GUCY1A1: variants seen among roughly 807,000 people sequenced by gnomAD.
GUCY1A1 encodes guanylate cyclase 1 soluble subunit alpha 1.
In GUCY1A1, 48 loss-of-function variants were observed where a neutral mutation model predicts 64.5. That is an observed-to-expected ratio of 0.74 (90% CI 0.59 to 0.95). The LOEUF is 0.95. Ranked by LOEUF, GUCY1A1 falls within the 40% of genes least tolerant of loss-of-function variation. The pLI, the probability that GUCY1A1 is intolerant of heterozygous loss-of-function variation, is 0.00. For missense variants in GUCY1A1, 804 were observed against 825.3 expected (o/e 0.97, Z 0.32); for synonymous variants, 308 against 303.4 (o/e 1.02, Z -0.16).
chr4:155,693,216 A>G (rs1729987507), intron 2 of GUCY1A1, among the ~76,000 whole-genome samples: 1 of 152,192 alleles, frequency 6.6e-6, no homozygotes, highest in African/African-American at 2.4e-5. Flanking sequence ...ATCACTCACT[A>G]GTAAAAAGAG....
intron 2 of GUCY1A1, among the ~76,000 whole-genome samples, chr4:155,690,520 G>T (rs1330075981): frequency 6.6e-6 from 1 of 152,058 alleles, no homozygotes; most frequent in Non-Finnish European, 1.5e-5. Context: ...TGTTTAATGC[G>T]GTTTGTAGAA....
In GUCY1A1 at chr4:155,696,847, A is replaced by G. The variant is rs1730473499; in HGVS notation, c.-21A>G. On this transcript the variant is annotated 5_prime_UTR_variant, in exon 3 of 10. Coordinates refer to ENST00000506455, the MANE Select transcript of GUCY1A1 (RefSeq NM_001130682.3). ...CAGCTCATCAGGAGGAGATCGCAGCAGGGTAAGAGACACCAACACCATGTT... is the reference window on the plus strand; with the variant it reads ...CAGCTCATCAGGAGGAGATCGCAGCGGGGTAAGAGACACCAACACCATGTT... 1.2e-6 allele frequency: 2 copies of G among 1,610,236 alleles called. No homozygotes were observed. The highest frequency in any genetic ancestry group is 1.3e-5 in the African/African-American group (1 of 74,776).
intron 2 of GUCY1A1, among the ~76,000 whole-genome samples, chr4:155,696,314 T>C (rs191000604): frequency 6.6e-6 from 1 of 152,332 alleles, no homozygotes; most frequent in Non-Finnish European, 1.5e-5. Flanking sequence ...TAGGTATTTT[T>C]GGAAGCCATT....
chr4:155,722,001 C>A, intron 8 of GUCY1A1, 37 bp from the exon 9 acceptor site: 1 of 1,381,402 alleles, frequency 7.2e-7, no homozygotes, highest in South Asian at 1.2e-5. Flanking sequence ...AGTGTTTTAC[C>A]AGTGACTGGG....
intron 2 of GUCY1A1, among the ~76,000 whole-genome samples, chr4:155,691,324 T>C (rs555257693): frequency 7.9e-5 from 12 of 152,338 alleles, no homozygotes; most frequent in African/African-American, 2.9e-4. Flanking sequence ...CACCAATTTT[T>C]CTACTACTTT....
chr4:155,702,482 G>C (rs148969812), intron 3 of GUCY1A1, among the ~76,000 whole-genome samples: 26 of 152,180 alleles, frequency 1.7e-4, no homozygotes, highest in African/African-American at 6.0e-4. Context: ...AGATGTCTAG[G>C]AAATATGCCC....
intron 3 of GUCY1A1, among the ~76,000 whole-genome samples, chr4:155,701,883 T>C (rs1363638108): frequency 6.6e-6 from 1 of 152,102 alleles, no homozygotes; most frequent in Non-Finnish European, 1.5e-5. Flanking sequence ...TAGTTTACAT[T>C]GGAAACAACC....
chr4:155,733,485 G>A lies in GUCY1A1; in HGVS notation c.*3254G>A, dbSNP rs1339988806. Among the ~76,000 whole-genome samples the A allele has an allele frequency of 6.6e-6, 1 of 151,580 alleles. No individual in the cohort carries two copies. Among genetic ancestry groups the A allele is most frequent in the African/African-American group, 2.4e-5 (1 of 41,286 alleles). On this transcript the variant is annotated 3_prime_UTR_variant, in exon 10 of 10. Coordinates refer to ENST00000506455, the MANE Select transcript of GUCY1A1 (RefSeq NM_001130682.3). Reference sequence around the variant, plus strand: ...GAAGGGGTATGTGTGTCATGTAAAGGTGTGCCATGATAGTTATTCATATTG... The same window carrying A: ...GAAGGGGTATGTGTGTCATGTAAAGATGTGCCATGATAGTTATTCATATTG...
At chr4:155,699,226 C>T (rs1263393383) in intron 3 of GUCY1A1, among the ~76,000 whole-genome samples, 2 of 152,032 alleles carry the variant, frequency 1.3e-5, no homozygotes, top group African/African-American at 4.8e-5. Flanking sequence ...CCAATTGGCT[C>T]AGCTAGAGAT....
chr4:155,702,289 A>G (rs1017961749), intron 3 of GUCY1A1, among the ~76,000 whole-genome samples: 11 of 152,296 alleles, frequency 7.2e-5, no homozygotes, highest in African/African-American at 2.6e-4. Context: ...GGAACAAATA[A>G]TTCATAGCCA....
chr4:155,711,689 T>G (rs1732593641), intron 6 of GUCY1A1, among the ~76,000 whole-genome samples: 4 of 152,214 alleles, frequency 2.6e-5, no homozygotes, highest in Admixed American at 2.6e-4. Flanking sequence ...TTTGATTAAT[T>G]GTTACCGAAT....
chr4:155,729,400 T>C (rs1404852797), intron 9 of GUCY1A1, among the ~76,000 whole-genome samples: 2 of 151,776 alleles, frequency 1.3e-5, no homozygotes, highest in Admixed American at 6.6e-5. Flanking sequence ...GCAAACAATA[T>C]AATGTGGTAA....
chr4:155,678,676 C>T (rs999603215), intron 2 of GUCY1A1, among the ~76,000 whole-genome samples: 4 of 152,178 alleles, frequency 2.6e-5, no homozygotes, highest in African/African-American at 7.2e-5. Flanking sequence ...CTATGGTAAC[C>T]TTTCTGCCCA....
chr4:155,706,263 C>T (rs1163095387), intron 4 of GUCY1A1, among the ~76,000 whole-genome samples: 2 of 152,146 alleles, frequency 1.3e-5, no homozygotes, highest in African/African-American at 2.4e-5. Flanking sequence ...GATTTTTGCT[C>T]ATAAGCCTGC....
rs1735681486 is a variant in GUCY1A1, at chr4:155,732,670, G to GA, written c.*2444dup. ...TCAGAGCTTTGAGGTATTGAAGATGGAAAAATAGTGGACAAACAGCCTGTA... is the reference window on the plus strand; with the variant it reads ...TCAGAGCTTTGAGGTATTGAAGATGGAAAAAATAGTGGACAAACAGCCTGTA... On this transcript the variant is annotated 3_prime_UTR_variant, in exon 10 of 10. Coordinates refer to ENST00000506455, the MANE Select transcript of GUCY1A1 (RefSeq NM_001130682.3). Among the ~76,000 whole-genome samples the GA allele has an allele frequency of 6.6e-6, 1 of 151,798 alleles. No homozygotes were observed. The highest frequency in any genetic ancestry group is 2.4e-5 in the African/African-American group (1 of 41,380).
At chr4:155,699,196 T>C (rs1280040717) in intron 3 of GUCY1A1, among the ~76,000 whole-genome samples, 3 of 152,122 alleles carry the variant, frequency 2.0e-5, no homozygotes, top group African/African-American at 7.2e-5. Context: ...CAGACTGGTT[T>C]TCACAGGAAA....
chr4:155,702,418 C>T (rs1395241358), intron 3 of GUCY1A1, among the ~76,000 whole-genome samples: 1 of 152,122 alleles, frequency 6.6e-6, no homozygotes, highest in African/African-American at 2.4e-5. Flanking sequence ...GGCTGATTTA[C>T]TTCATGTATA....
At chr4:155,725,952 AAAGT>A (rs1180884890) in intron 9 of GUCY1A1, among the ~76,000 whole-genome samples, 2 of 152,076 alleles carry the variant, frequency 1.3e-5, no homozygotes, top group African/African-American at 2.4e-5. Context: ...AGTAAATTAT[AAAGT>A]AAGTAATAGG....
intron 4 of GUCY1A1, among the ~76,000 whole-genome samples, 200 bp downstream of exon 4, chr4:155,704,193 T>C (rs913757062): frequency 2.6e-5 from 4 of 152,228 alleles, no homozygotes; most frequent in Non-Finnish European, 4.4e-5. Flanking sequence ...AAACTCAGGT[T>C]TATATGAAGT....
Sources: gnomAD v4.1 joint callset for allele counts (sites outside exome capture counted in the v4.1 genomes callset) on GRCh38, gnomAD v4.1.1 for gene constraint, MANE v1.5 for transcripts, NCBI Gene and HGNC (gene_info 2026-07-23, HGNC 2026-07-21) for gene names.